The following RBL1 variants were observed in gnomAD, a reference collection of about 807,000 sequenced individuals.
RBL1 encodes RB transcriptional corepressor like 1.
A neutral mutation model predicts 123.0 loss-of-function variants in RBL1; 82 were observed. The ratio of observed to expected loss-of-function variants is 0.67; its 90% CI spans 0.56 to 0.80. RBL1 has a LOEUF of 0.80. Ranked by LOEUF, RBL1 falls within the 30% of genes least tolerant of loss-of-function variation. The pLI is 0.00. For missense variants in RBL1, 1,171 were observed against 1,299.6 expected, an observed-to-expected ratio of 0.90 and a Z score of 1.52; for synonymous variants, 405 against 441.3, an observed-to-expected ratio of 0.92 and a Z score of 1.03.
chr20:37,057,647 AG>A (rs1446556237), intron 9 of RBL1, among the ~76,000 whole-genome samples: 1 of 152,006 alleles, frequency 6.6e-6, no homozygotes, highest in Non-Finnish European at 1.5e-5. Context: ...CCCATTCTAT[AG>A]GTTGTTTTTT....
chr20:37,032,379 A>G (rs1437737374), intron 16 of RBL1, among the ~76,000 whole-genome samples: 5 of 152,204 alleles, frequency 3.3e-5, no homozygotes, highest in African/African-American at 9.7e-5. Flanking sequence ...AAATTCACAG[A>G]AACAGAAAGT....
At chr20:37,049,296 C>G in intron 11 of RBL1, 1 of 626,542 alleles carries the variant, frequency 1.6e-6, no homozygotes, top group Non-Finnish European at 2.9e-6. Context: ...AACCATCACC[C>G]TCAAGGTTGA....
chr20:37,005,389 A>T (rs2064053686), intron 20 of RBL1, among the ~76,000 whole-genome samples: 1 of 151,590 alleles, frequency 6.6e-6, no homozygotes, highest in Admixed American at 6.6e-5. Flanking sequence ...CCTGGGCAAC[A>T]GAGCGAGACT....
At chr20:37,065,395 G>A (rs1176220982) in intron 7 of RBL1, 29 bp downstream of exon 7, 4 of 1,489,574 alleles carry the variant, frequency 2.7e-6, no homozygotes, top group Non-Finnish European at 3.7e-6. Context: ...CTTGTGATAA[G>A]CCAGGCACCA....
In RBL1 at chr20:37,068,128, C is replaced by T; in HGVS notation, c.349G>A (p.Glu117Lys). ...KWMDMSNLPQ[E>K]FRERIERLER... is the part of the protein sequence containing the mutation. ...AGCCTTTCTATACGTTCACGAAATT[C>T]TTGTGGTAGATTTGACATGTCCATC... Residue 117 changes from glutamate (E) to lysine (K), a missense_variant, in exon 3 of 22, where the codon GAA (glutamate) becomes AAA (lysine). By Grantham distance (56) the Glu-to-Lys change is moderately conservative (BLOSUM62 1). Coordinates refer to ENST00000373664, the MANE Select transcript of RBL1 (RefSeq NM_002895.5). 1 of 1,611,784 alleles carries T rather than the reference C, an allele frequency of 6.2e-7. No homozygotes were observed. The highest frequency in any genetic ancestry group is 8.5e-7 in the Non-Finnish European group (1 of 1,179,368).
chr20:37,023,004 C>T lies in RBL1; in HGVS notation c.2383-178G>A, dbSNP rs574335149. 2.6e-5 allele frequency among the ~76,000 whole-genome samples: 4 copies of T among 152,188 alleles called. No homozygotes were observed. The South Asian group carries it at 8.3e-4, about 32-fold the overall frequency. On this transcript the variant is annotated intron_variant, in intron 16 of 21. Coordinates refer to ENST00000373664, the MANE Select transcript of RBL1 (RefSeq NM_002895.5). ...CAGGAGGATATAGATTAAAGCAAAACTACTTGAAAAAATTTTTTAAAGATG... is the reference window on the plus strand; with the variant it reads ...CAGGAGGATATAGATTAAAGCAAAATTACTTGAAAAAATTTTTTAAAGATG...
At chr20:37,069,597 CCCG>C (rs1211819272) in intron 2 of RBL1, among the ~76,000 whole-genome samples, 2 of 151,758 alleles carry the variant, frequency 1.3e-5, no homozygotes, top group African/African-American at 4.8e-5. Context: ...AGACCCTCTG[CCCG>C]GCAACCGCCC....
intron 20 of RBL1, among the ~76,000 whole-genome samples, chr20:37,006,869 A>C (rs1242016989): frequency 1.3e-5 from 2 of 151,788 alleles, no homozygotes; most frequent in African/African-American, 2.4e-5. Context: ...AACAAAAAAA[A>C]CAAATTAGTT....
Position 37,049,303 on chromosome 20 carries a change from T to C in RBL1, c.1468-2113A>G, listed in dbSNP as rs142890178. On this transcript the variant is annotated intron_variant, in intron 11 of 21. Transcript: ENST00000373664. ...ACAGGGAAAACCATCACCCTCAAGG[T>C]TGAACCCTCGGATACGACAGAAAAT... The C allele has an allele frequency of 1.9e-3, 1,179 of 636,562 alleles. 13 individuals are homozygous for C. The African/African-American group carries it at 0.019, about 10-fold the overall frequency. 39.4% of individuals were successfully genotyped at this position (636,562 alleles called of 1,614,324 possible).
chr20:37,035,450 C>T lies in RBL1; in HGVS notation c.1962G>A (p.Gly654=). The T allele has an allele frequency of 6.2e-7, 1 of 1,613,286 alleles. No homozygotes were observed. The highest frequency in any genetic ancestry group is 1.1e-5 in the South Asian group (1 of 90,972). The change falls in exon 15 of 22, where the codon GGG becomes GGA. Residue 654 remains glycine (G), a synonymous_variant. Coordinates refer to ENST00000373664, the MANE Select transcript of RBL1 (RefSeq NM_002895.5). ...CTCCAAAGAGTCTTCTCTTAGCACT[C>T]CCTGCGGTAGGAGAACTGTAGCGTT... ...VHERYSSPTA[G]SAKRRLFGED...
chr20:37,020,760 C>T (rs1038399966), intron 17 of RBL1, 30 bp from the exon 18 acceptor site: 2 of 1,446,982 alleles, frequency 1.4e-6, no homozygotes, highest in Non-Finnish European at 9.4e-7. Context: ...CATTTATCAA[C>T]TGCTTTTTGA....
chr20:37,027,679 A>G (rs916338254), intron 16 of RBL1, among the ~76,000 whole-genome samples: 1 of 152,232 alleles, frequency 6.6e-6, no homozygotes, highest in Non-Finnish European at 1.5e-5. Context: ...CTTTCCATTA[A>G]TATTAAAATA....
chr20:37,068,803 C>T (rs138116376), intron 2 of RBL1, among the ~76,000 whole-genome samples: 370 of 152,326 alleles, frequency 2.4e-3, no homozygotes, highest in African/African-American at 8.5e-3. Flanking sequence ...TGAAGAAACC[C>T]CGTCTCTACT....
chr20:37,005,838 T>C lies in RBL1; in HGVS notation c.2871+1573A>G, dbSNP rs531895847. Among the ~76,000 whole-genome samples, 318 of 151,726 alleles carry C rather than the reference T, an allele frequency of 2.1e-3. 2 individuals carry two copies. The highest frequency in any genetic ancestry group is 7.0e-3 in the African/African-American group (291 of 41,348). ...GCACATAGATACATAGAAACAGCTA[T>C]TGGCTGTCCGGCTGCAGCTTCTGCT... On this transcript the variant is annotated intron_variant, in intron 20 of 21. Transcript: ENST00000373664.
chr20:37,007,597 C>G (rs376683990), intron 19 of RBL1, 38 bp from the exon 20 acceptor site: 3 of 1,598,646 alleles, frequency 1.9e-6, no homozygotes, highest in Non-Finnish European at 2.6e-6. Flanking sequence ...ACAAAGCATA[C>G]TTTTTATTTT....
At chr20:37,072,129 T>C (rs1297844561) in intron 2 of RBL1, among the ~76,000 whole-genome samples, 1 of 152,166 alleles carries the variant, frequency 6.6e-6, no homozygotes, top group Non-Finnish European at 1.5e-5. Flanking sequence ...TACTAAATAT[T>C]TTTTGGCTTA....
At chr20:37,045,165 G>A (rs992908606) in intron 12 of RBL1, among the ~76,000 whole-genome samples, 4 of 151,342 alleles carry the variant, frequency 2.6e-5, no homozygotes, top group African/African-American at 7.3e-5. Context: ...GGAGTGCAGC[G>A]GCGCCATCTC....
chr20:37,028,884 G>C (rs2064463231), intron 16 of RBL1, among the ~76,000 whole-genome samples: 2 of 152,134 alleles, frequency 1.3e-5, no homozygotes, highest in African/African-American at 2.4e-5. Flanking sequence ...TGATAGCAAA[G>C]CCAGACAAAG....
intron 13 of RBL1, among the ~76,000 whole-genome samples, chr20:37,041,083 G>A (rs573620954): frequency 5.3e-5 from 8 of 152,264 alleles, no homozygotes; most frequent in African/African-American, 1.4e-4. Context: ...GAGATTTCAA[G>A]AAACCATCTT....
Sources: allele counts gnomAD v4.1 joint callset (sites outside exome capture counted in the v4.1 genomes callset), GRCh38; gene constraint gnomAD v4.1.1; transcripts MANE v1.5; gene names NCBI Gene and HGNC (gene_info 2026-07-23, HGNC 2026-07-21).